The following NRXN1 variants were observed in gnomAD, a reference collection of about 807,000 sequenced individuals.
The protein encoded by NRXN1 is neurexin 1, also known as neurexin-1.
Under a neutral mutation model 150.9 loss-of-function variants are expected in NRXN1, and 39 were observed. That is an observed-to-expected ratio of 0.26 (90% CI 0.20 to 0.34). The LOEUF is 0.34. NRXN1 is among the 10% of genes least tolerant of loss of function. The probability of loss-of-function intolerance (pLI) is 1.00; values close to 1 mark genes in which losing one functional copy is unlikely to be tolerated. For missense variants in NRXN1, 1,815 were observed against 1,949.9 expected, an observed-to-expected ratio of 0.93 and a Z score of 1.30; for synonymous variants, 924 against 757.0, an observed-to-expected ratio of 1.22 and a Z score of -3.62.
chr2:50,597,268 A>AT (rs1019657459), intron 8 of NRXN1, among the ~76,000 whole-genome samples: 2 of 152,152 alleles, frequency 1.3e-5, no homozygotes, highest in Non-Finnish European at 2.9e-5. Flanking sequence ...CCCTCTAGCC[A>AT]TATCACAATA....
At chr2:50,155,519 T>C (rs1191007359) in intron 18 of NRXN1, among the ~76,000 whole-genome samples, 3 of 151,600 alleles carry the variant, frequency 2.0e-5, no homozygotes, top group African/African-American at 4.8e-5. Flanking sequence ...GTTATTCTCA[T>C]ATGCTCCTTC....
chr2:50,896,289 A>C (rs1478723571), intron 5 of NRXN1, among the ~76,000 whole-genome samples: 2 of 152,198 alleles, frequency 1.3e-5, no homozygotes, highest in African/African-American at 4.8e-5. Context: ...CTCATAGCCT[A>C]ATACACACAT....
chr2:50,088,037 T>G (rs1699042275), intron 19 of NRXN1, among the ~76,000 whole-genome samples: 2 of 152,186 alleles, frequency 1.3e-5, no homozygotes, highest in Admixed American at 6.5e-5. Flanking sequence ...TTCCCGCTTC[T>G]CTGAGTATAA....
rs989863836 is a variant in NRXN1, at chr2:50,401,155, G to A, written c.3364+64287C>T. Among the ~76,000 whole-genome samples the A allele has an allele frequency of 7.2e-5, 11 of 152,078 alleles. No individual in the cohort carries two copies. In the South Asian group the frequency reaches 8.3e-4, roughly 11 times the overall value. On this transcript the variant is annotated intron_variant, in intron 17 of 22. Coordinates refer to ENST00000401669, the MANE Select transcript of NRXN1 (RefSeq NM_001330078.2). ...AATATGTTCATATTAGATACCAAGCGCTTTGTTTAGGCCTTCAGGTTCCTC... is the reference window on the plus strand; with the variant it reads ...AATATGTTCATATTAGATACCAAGCACTTTGTTTAGGCCTTCAGGTTCCTC...
At chr2:50,697,646 C>T (rs917446708) in intron 5 of NRXN1, among the ~76,000 whole-genome samples, 5 of 152,180 alleles carry the variant, frequency 3.3e-5, no homozygotes, top group African/African-American at 1.2e-4. Flanking sequence ...CACTTCTCAA[C>T]TATGGTGATG....
chr2:50,949,272 ATAGGGATTTAGT>A (rs1323296914), intron 2 of NRXN1, among the ~76,000 whole-genome samples: 1 of 152,014 alleles, frequency 6.6e-6, no homozygotes, highest in Non-Finnish European at 1.5e-5. Flanking sequence ...CTGAGTTGAA[ATAGGGATTTAGT>A]TAAACAAAAA....
intron 21 of NRXN1, among the ~76,000 whole-genome samples, chr2:49,998,438 T>C (rs1019947778): frequency 2.0e-5 from 3 of 152,182 alleles, no homozygotes; most frequent in Admixed American, 1.3e-4. Flanking sequence ...TTTCCCATAA[T>C]ATGTACTTGG....
chr2:50,917,277 AT>A (rs1198240413), intron 5 of NRXN1: 5 of 151,724 alleles, frequency 3.3e-5, no homozygotes, highest in African/African-American at 1.2e-4. Flanking sequence ...AGGAAATACA[AT>A]TTAAGAATTT....
At chr2:50,253,763 G>A (rs2067400823) in intron 17 of NRXN1, among the ~76,000 whole-genome samples, 1 of 152,082 alleles carries the variant, frequency 6.6e-6, no homozygotes, top group Non-Finnish European at 1.5e-5. Context: ...GGATAAAGCC[G>A]ACTTGATCCT....
intron 18 of NRXN1, among the ~76,000 whole-genome samples, chr2:50,137,378 G>T (rs182891745): frequency 6.6e-6 from 1 of 152,144 alleles, no homozygotes; most frequent in African/African-American, 2.4e-5. Context: ...GGAGATCACG[G>T]TCAGTAATGA....
intron 18 of NRXN1, among the ~76,000 whole-genome samples, chr2:50,227,217 T>G (rs2064475715): frequency 6.6e-6 from 1 of 151,838 alleles, no homozygotes; most frequent in Non-Finnish European, 1.5e-5. Context: ...TTTCCAGACG[T>G]TTGACTTTGC....
chr2:50,033,071 T>C (rs942826060), intron 21 of NRXN1, among the ~76,000 whole-genome samples: 2 of 152,004 alleles, frequency 1.3e-5, no homozygotes, highest in Admixed American at 6.6e-5. Context: ...ATATATGTTA[T>C]ATTTGTCTCT....
intron 5 of NRXN1, among the ~76,000 whole-genome samples, chr2:50,760,415 C>T (rs761988375): frequency 6.6e-6 from 1 of 151,808 alleles, no homozygotes. Flanking sequence ...CCAGCAAAAT[C>T]CCTAGACAAA....
In NRXN1 at chr2:50,499,389, G is replaced by A. The variant is rs77440233; in HGVS notation, c.2498-1675C>T. Among the ~76,000 whole-genome samples, 179 of 151,840 alleles carry A rather than the reference G, an allele frequency of 1.2e-3. 2 individuals are homozygous for A. The highest frequency in any genetic ancestry group is 0.011 in the East Asian group (59 of 5,144). ...AAATGTCACCATAAATAATTGTTTC[G>A]TCTCTCTCTACCCTCACTACCATGC... On this transcript the variant is annotated intron_variant, in intron 13 of 22. Coordinates refer to ENST00000401669, the MANE Select transcript of NRXN1 (RefSeq NM_001330078.2).
In NRXN1 at chr2:50,496,082, C is replaced by A. The variant is rs1057524337; in HGVS notation, c.2893G>T (p.Val965Leu). 1.9e-6 allele frequency: 3 copies of A among 1,601,888 alleles called. No homozygotes were observed. The highest frequency in any genetic ancestry group is 1.7e-5 in the Admixed American group (1 of 58,078). Reference protein sequence around the residue: ...VELVKGYLHYVFDLGNGANLI... With the variant: ...VELVKGYLHYLFDLGNGANLI... ...TTAGCACCATTTCCCAAATCAAACA[C>A]GTAATGTAAGTACCTGGGAAAAAAA... Residue 965 changes from valine to leucine, a missense_variant, in exon 15 of 23, where the codon GTG becomes TTG. Coordinates refer to ENST00000401669, the MANE Select transcript of NRXN1 (RefSeq NM_001330078.2).
At chr2:50,239,646 C>G (rs1244246311) in intron 17 of NRXN1, among the ~76,000 whole-genome samples, 2 of 105,362 alleles carry the variant, frequency 1.9e-5, no homozygotes, top group Non-Finnish European at 3.7e-5. Flanking sequence ...AAACCCATAT[C>G]CTGATACCTA....
chr2:50,641,802 GAAC>G (rs1684121353), intron 5 of NRXN1, among the ~76,000 whole-genome samples: 1 of 152,050 alleles, frequency 6.6e-6, no homozygotes, highest in Non-Finnish European at 1.5e-5. Context: ...TTATTCAGCA[GAAC>G]AGCCACTCCA....
At chr2:50,062,946 G>A (rs560020009) in intron 19 of NRXN1, among the ~76,000 whole-genome samples, 4 of 152,220 alleles carry the variant, frequency 2.6e-5, no homozygotes, top group Admixed American at 6.5e-5. Flanking sequence ...TCTTTGGAAG[G>A]CTTCTTATTT....
chr2:50,693,506 G>A (rs1274075721), intron 5 of NRXN1, among the ~76,000 whole-genome samples: 6 of 152,074 alleles, frequency 3.9e-5, no homozygotes, highest in Non-Finnish European at 7.4e-5. Context: ...TGCGTGCAAA[G>A]GTCAAATAAA....
Sources: allele counts gnomAD v4.1 joint callset (sites outside exome capture counted in the v4.1 genomes callset), GRCh38; gene constraint gnomAD v4.1.1; transcripts MANE v1.5; gene names NCBI Gene and HGNC (gene_info 2026-07-23, HGNC 2026-07-21).